SLC16A12: variants seen among roughly 807,000 people sequenced by gnomAD.
The protein encoded by SLC16A12 is monocarboxylate transporter 12.
A neutral mutation model predicts 42.4 loss-of-function variants in SLC16A12; 17 were observed. The ratio of observed to expected loss-of-function variants is 0.40; its 90% confidence interval spans 0.27 to 0.60. The LOEUF (loss-of-function observed/expected upper bound fraction) is 0.60. SLC16A12 is among the 20% of genes least tolerant of loss of function. SLC16A12 has a pLI of 0.42. For synonymous variants in SLC16A12, 224 were observed against 229.4 expected, an observed-to-expected ratio of 0.98 and a Z score of 0.21; for missense variants, 544 against 623.0, an observed-to-expected ratio of 0.87 and a Z score of 1.35.
intron 2 of SLC16A12, among the ~76,000 whole-genome samples, chr10:89,518,642 A>T (rs912010143): frequency 1.3e-4 from 20 of 152,206 alleles, no homozygotes; most frequent in African/African-American, 4.3e-4. Context: ...AGTTGGATTT[A>T]GGAAGATTAG....
intron 2 of SLC16A12, among the ~76,000 whole-genome samples, chr10:89,486,750 A>G (rs1683378850): frequency 6.6e-6 from 1 of 152,058 alleles, no homozygotes; most frequent in African/African-American, 2.4e-5. Context: ...AGAAATAAGT[A>G]TAGAAATAAA....
chr10:89,487,332 CA>C (rs2133799813), intron 2 of SLC16A12, among the ~76,000 whole-genome samples: 1 of 151,834 alleles, frequency 6.6e-6, no homozygotes, highest in South Asian at 2.1e-4. Context: ...ACTAAAAAGT[CA>C]AAAAACAACA....
intron 2 of SLC16A12, among the ~76,000 whole-genome samples, chr10:89,471,383 A>G (rs1444342249): frequency 6.6e-6 from 1 of 152,246 alleles, no homozygotes; most frequent in Non-Finnish European, 1.5e-5. Flanking sequence ...AGATAGAATC[A>G]AACAATATGT....
rs1301150631 is a variant in SLC16A12, at chr10:89,436,145, T to G, written c.1203A>C (p.Ile401=). The G allele has an allele frequency of 1.2e-6, 2 of 1,614,098 alleles. No homozygotes were observed. Among genetic ancestry groups the G allele is most frequent in the Admixed American group, 1.7e-5 (1 of 59,988 alleles). ...CTGATGACAAAGAGGTGGTCCCCAC[T>G]ATCTCTGTGGTCACTACTGGGATCA... ...VTLIPVVTTE[I]VGTTSLSSAL... The change falls in exon 7 of 8, where the codon ATA becomes ATC. Residue 401 remains isoleucine, a synonymous_variant. Coordinates refer to ENST00000371790, the MANE Select transcript of SLC16A12 (RefSeq NM_213606.4).
chr10:89,540,252 C>T (rs1340881657), upstream of SLC16A12, among the ~76,000 whole-genome samples: 2 of 152,076 alleles, frequency 1.3e-5, no homozygotes, highest in Non-Finnish European at 2.9e-5. Flanking sequence ...CCACCCACCA[C>T]CATGCCTGGC....
chr10:89,548,252 T>C (rs1843752334), intron 2 of SLC16A12, among the ~76,000 whole-genome samples: 1 of 152,156 alleles, frequency 6.6e-6, no homozygotes, highest in Admixed American at 6.6e-5. Flanking sequence ...GAAGTCTGTG[T>C]GTCTCCAGCC....
At chr10:89,508,868 TAGAC>T (rs1350158930) in intron 2 of SLC16A12, among the ~76,000 whole-genome samples, 5 of 152,040 alleles carry the variant, frequency 3.3e-5, no homozygotes, top group Non-Finnish European at 5.9e-5. Context: ...AAGAATCAAA[TAGAC>T]AGAATAAAAA....
chr10:89,553,032 G>C (rs928423450), intron 2 of SLC16A12, among the ~76,000 whole-genome samples: 1 of 152,186 alleles, frequency 6.6e-6, no homozygotes, highest in Non-Finnish European at 1.5e-5. Context: ...TGGATCACAA[G>C]GTCAGGAGTT....
intron 2 of SLC16A12, among the ~76,000 whole-genome samples, chr10:89,528,766 A>G (rs966444787): frequency 4.6e-5 from 7 of 152,230 alleles, no homozygotes; most frequent in Non-Finnish European, 1.0e-4. Context: ...GAGAGATTTA[A>G]AAACTATCAA....
chr10:89,552,495 A>G (rs1201110789), intron 2 of SLC16A12, among the ~76,000 whole-genome samples: 1 of 152,210 alleles, frequency 6.6e-6, no homozygotes, highest in Non-Finnish European at 1.5e-5. Flanking sequence ...GCACAACAGC[A>G]CATTGCATTT....
At chr10:89,545,877 A>T (rs1398785267) in intron 2 of SLC16A12, among the ~76,000 whole-genome samples, 3 of 152,214 alleles carry the variant, frequency 2.0e-5, no homozygotes, top group Non-Finnish European at 2.9e-5. Context: ...GGAGCAGAAC[A>T]GAGACCTCAG....
At chr10:89,451,085 T>C (rs182569082) in intron 3 of SLC16A12, among the ~76,000 whole-genome samples, 33 of 152,374 alleles carry the variant, frequency 2.2e-4, no homozygotes, top group Non-Finnish European at 1.8e-4. Flanking sequence ...AGGAAGCTTT[T>C]ATAGCCCGGT....
At chr10:89,473,847 CAG>C (rs1188377747) in intron 2 of SLC16A12, among the ~76,000 whole-genome samples, 11 of 152,136 alleles carry the variant, frequency 7.2e-5, no homozygotes, top group Admixed American at 2.6e-4. Context: ...CATGGAAACT[CAG>C]TGTCCTCAGC....
chr10:89,513,990 G>A (rs889604450), intron 2 of SLC16A12, among the ~76,000 whole-genome samples: 4 of 152,206 alleles, frequency 2.6e-5, no homozygotes, highest in Non-Finnish European at 5.9e-5. Context: ...GAGAGATCTA[G>A]TGTCCAGATG....
At chr10:89,513,296 T>C (rs762928250) in intron 2 of SLC16A12, among the ~76,000 whole-genome samples, 13 of 152,220 alleles carry the variant, frequency 8.5e-5, no homozygotes, top group Non-Finnish European at 1.5e-4. Flanking sequence ...TGCAAAGTAT[T>C]TGATTGTTTG....
chr10:89,478,429 C>T (rs1842613870), intron 2 of SLC16A12, among the ~76,000 whole-genome samples: 1 of 152,208 alleles, frequency 6.6e-6, no homozygotes, highest in Non-Finnish European at 1.5e-5. Flanking sequence ...GAAACAAAAA[C>T]TGTGTTGCAT....
chr10:89,459,897 C>T (rs972101284), intron 3 of SLC16A12, among the ~76,000 whole-genome samples: 4 of 152,126 alleles, frequency 2.6e-5, no homozygotes, highest in South Asian at 2.1e-4. Context: ...GCTGAGATCA[C>T]GCCACTGCAC....
At chr10:89,467,906 C>T (rs893871858) in intron 2 of SLC16A12, 1 of 152,130 alleles carries the variant, frequency 6.6e-6, no homozygotes, top group African/African-American at 2.4e-5. Flanking sequence ...GTAGAGGACA[C>T]ATTGTAGGCA....
chr10:89,502,475 T>C (rs1285581540), intron 2 of SLC16A12, among the ~76,000 whole-genome samples: 2 of 151,756 alleles, frequency 1.3e-5, no homozygotes, highest in African/African-American at 2.4e-5. Flanking sequence ...AACAAAAAAG[T>C]GATGCCCACA....
Sources: allele counts gnomAD v4.1 joint callset (sites outside exome capture counted in the v4.1 genomes callset), GRCh38; gene constraint gnomAD v4.1.1; transcripts MANE v1.5; gene names NCBI Gene and HGNC (gene_info 2026-07-23, HGNC 2026-07-21).